KIAA0753: variants seen among roughly 807,000 people sequenced by gnomAD.
KIAA0753 encodes the protein KIAA0753.
In KIAA0753, 114 loss-of-function variants were observed where a neutral mutation model predicts 116.9. The observed-to-expected ratio is 0.98, with a 90% confidence interval of 0.84 to 1.14. The LOEUF is 1.14. Among genes scored for constraint, KIAA0753 ranks in the 50% most tolerant of loss-of-function variants. The pLI, the probability that KIAA0753 is intolerant of heterozygous loss-of-function variation, is 0.00. For missense variants in KIAA0753, 1,156 were observed against 1,172.4 expected (o/e 0.99, Z 0.20); for synonymous variants, 405 against 413.1 (o/e 0.98, Z 0.24).
chr17:6,596,087 C>T, intron 15 of KIAA0753, 71 bp downstream of exon 15: 2 of 1,429,812 alleles, frequency 1.4e-6, no homozygotes, highest in South Asian at 1.3e-5. Context: ...GCTGCAGAGG[C>T]ATGAGGAGAA....
chr17:6,619,459 C>T (rs1013139685), intron 7 of KIAA0753, among the ~76,000 whole-genome samples: 1 of 152,000 alleles, frequency 6.6e-6, no homozygotes, highest in African/African-American at 2.4e-5. Context: ...CAAGGGTTCA[C>T]TCTGTCACCC....
rs775992337 is a variant in KIAA0753 at position 6,628,290 on chromosome 17, T to G, written c.545A>C (p.Gln182Pro). The part of the protein sequence containing the change: ...KVYLYSSHPG[Q>P]SDLTVPNSPP... ...CGAATTTGGCACAGTAAGATCTGAC[T>G]GGCCTGGATGAGATGAGTAAAGGTA... Residue 182 changes from glutamine to proline, a missense_variant, in exon 3 of 19, where the codon CAG (glutamine) becomes CCG (proline). Physicochemically the swap from Gln to Pro is moderately conservative, Grantham distance 76. Coordinates refer to ENST00000361413, the MANE Select transcript of KIAA0753 (RefSeq NM_014804.3). 1.9e-6 allele frequency: 3 copies of G among 1,614,176 alleles called. No homozygotes were observed. In the Admixed American group the frequency reaches 5.0e-5, roughly 27 times the overall value.
intron 15 of KIAA0753, 22 bp from the exon 16 acceptor site, chr17:6,595,075 T>A: frequency 6.5e-7 from 1 of 1,532,832 alleles, no homozygotes; most frequent in Non-Finnish European, 8.9e-7. Context: ...AAGAAAAAAG[T>A]TTAATTTATG....
intron 8 of KIAA0753, among the ~76,000 whole-genome samples, chr17:6,611,229 A>C (rs1479145109): frequency 5.3e-5 from 8 of 152,188 alleles, no homozygotes. Flanking sequence ...CCATATTAGA[A>C]AGCACTCACC....
chr17:6,612,144 C>T lies in KIAA0753; in HGVS notation c.1320G>A (p.Lys440=), dbSNP rs768455971. The T allele has an allele frequency of 3.1e-6, 5 of 1,599,480 alleles. No homozygotes were observed. The African/African-American group carries it at 5.4e-5, about 17-fold the overall frequency. The change falls in exon 8 of 19, where the codon AAG becomes AAA. Residue 440 remains lysine, a synonymous_variant. Transcript: ENST00000361413. The stretch of plus-strand genomic sequence containing the variant: ...CCGGAAGCTCCGTATCGGGCTGATA[C>T]TTATCTACATGGAAATTTTTGAAAA... The part of the protein sequence containing the change: ...PSVAKQLLAD[K]YQPDTELPET...
At chr17:6,615,685 A>G (rs953666353) in intron 7 of KIAA0753, among the ~76,000 whole-genome samples, 2 of 150,950 alleles carry the variant, frequency 1.3e-5, no homozygotes, top group African/African-American at 4.9e-5. Context: ...CCAAGCTTAT[A>G]TACATCAAAG....
At chr17:6,615,160 C>A (rs563732691) in intron 7 of KIAA0753, among the ~76,000 whole-genome samples, 17 of 152,290 alleles carry the variant, frequency 1.1e-4, no homozygotes, top group South Asian at 6.2e-4. Context: ...GTCTCCAACT[C>A]CTGACCTCAG....
chr17:6,597,367 T>A (rs961466338), intron 14 of KIAA0753, among the ~76,000 whole-genome samples: 1 of 152,028 alleles, frequency 6.6e-6, no homozygotes, highest in African/African-American at 2.4e-5. Flanking sequence ...AGACAACCAA[T>A]AATGCTTGCA....
intron 6 of KIAA0753, among the ~76,000 whole-genome samples, chr17:6,622,486 C>T (rs543469517): frequency 1.2e-4 from 18 of 152,300 alleles, no homozygotes; most frequent in Non-Finnish European, 2.4e-4. Flanking sequence ...TATACTGTAC[C>T]TTTAAGTGTT....
Position 6,624,738 on chromosome 17 carries a change from C to G in KIAA0753, c.825+17G>C. 2 of 1,535,184 alleles carry G rather than the reference C, an allele frequency of 1.3e-6. No homozygotes were observed. Among genetic ancestry groups the G allele is most frequent in the Non-Finnish European group, 8.8e-7 (1 of 1,131,096 alleles). The stretch of plus-strand genomic sequence containing the variant: ...ACACAAGGCTGACTGCCCTACTTCT[C>G]CCTGAACTTTTCACACCTGCTGCTG... On this transcript the variant is annotated intron_variant, in intron 4 of 18. Transcript: ENST00000361413.
In KIAA0753 at chr17:6,612,056, G is replaced by A. The variant is rs1970583998; in HGVS notation, c.1408C>T (p.Pro470Ser). The A allele has an allele frequency of 6.2e-7, 1 of 1,614,002 alleles. No individual in the cohort carries two copies. The highest frequency in any genetic ancestry group is 1.7e-5 in the Admixed American group (1 of 60,006). ...CTTGCACTTTGGTCTAGAATAAATG[G>A]TCCTTCTTCCAGAACTATATCCGCA... Reference protein sequence around the residue: ...LDADIVLEEGPFILDQSASFK... With the variant: ...LDADIVLEEGSFILDQSASFK... Residue 470 changes from proline (P) to serine (S), a missense_variant, in exon 8 of 19, where the codon CCA (proline) becomes TCA (serine). By Grantham distance (74) the Pro-to-Ser change is moderately conservative. Coordinates refer to ENST00000361413, the MANE Select transcript of KIAA0753 (RefSeq NM_014804.3).
chr17:6,584,260 C>A (rs191253347), intron 18 of KIAA0753, among the ~76,000 whole-genome samples: 1 of 152,220 alleles, frequency 6.6e-6, no homozygotes, highest in Admixed American at 6.5e-5. Flanking sequence ...CTCCCCAGGG[C>A]TCTGTCTTCT....
In KIAA0753 at chr17:6,589,856, A is replaced by G. The variant is rs369091759; in HGVS notation, c.2709T>C (p.Cys903=). 296 of 1,614,114 alleles carry G rather than the reference A, an allele frequency of 1.8e-4. 1 individual carries two copies. In the African/African-American group the frequency reaches 2.8e-3, roughly 15 times the overall value. ...PGMQHSIGDY[C]SRFEQYLRII... ...TCCGAAGGTACTGCTCAAAACGACTACAGTAGTCACCGATGCTGTGCTGCA... is the reference window on the plus strand; with the variant it reads ...TCCGAAGGTACTGCTCAAAACGACTGCAGTAGTCACCGATGCTGTGCTGCA... The change falls in exon 18 of 19, where the codon TGT becomes TGC. Residue 903 remains cysteine, a synonymous_variant. Coordinates refer to ENST00000361413, the MANE Select transcript of KIAA0753 (RefSeq NM_014804.3).
At chr17:6,607,096 C>T in intron 11 of KIAA0753, 85 bp downstream of exon 11, 1 of 1,397,770 alleles carries the variant, frequency 7.2e-7, no homozygotes, top group Non-Finnish European at 1.0e-6. Context: ...TGTAGCTAGA[C>T]CTAAATAATC....
Position 6,599,242 on chromosome 17 carries a change from G to C in KIAA0753, c.2167C>G (p.Gln723Glu). 6.2e-7 allele frequency: 1 copy of C among 1,611,990 alleles called. No individual in the cohort carries two copies. The highest frequency in any genetic ancestry group is 2.2e-5 in the East Asian group (1 of 44,866). The change falls in exon 14 of 19, where the codon CAG (glutamine) becomes GAG (glutamate). Residue 723 changes from glutamine to glutamate, a missense_variant. Coordinates refer to ENST00000361413, the MANE Select transcript of KIAA0753 (RefSeq NM_014804.3). ...SVNTAKAQPAQEVAAVDFESN... is the reference protein window; with the variant it reads ...SVNTAKAQPAEEVAAVDFESN... ...CAATATCACACAACGCATACCTCCT[G>C]TGCAGGCTGGGCTTTCGCTGTGTTT... is the stretch of plus-strand genomic sequence containing the variant.
Position 6,578,953 on chromosome 17 carries a change from T to G in KIAA0753, c.*794A>C, listed in dbSNP as rs1209810090. The G allele has an allele frequency of 6.6e-6, 1 of 152,078 alleles. No homozygotes were observed. Among genetic ancestry groups the G allele is most frequent in the Non-Finnish European group, 1.5e-5 (1 of 67,996 alleles). The allele number at this position is 152,078 out of a possible 1,614,324, so 9.4% of individuals were successfully genotyped here. A position where few individuals can be genotyped will look rare whatever the true frequency, so the allele number is the denominator to read the frequency against. ...TTGTGGTATGAAATAGAGACACTTCTGACCTCATCGGAGACACAGCGAGGT... is the reference window on the plus strand; with the variant it reads ...TTGTGGTATGAAATAGAGACACTTCGGACCTCATCGGAGACACAGCGAGGT... On this transcript the variant is annotated 3_prime_UTR_variant, in exon 19 of 19. Coordinates refer to ENST00000361413, the MANE Select transcript of KIAA0753 (RefSeq NM_014804.3).
chr17:6,610,829 G>A (rs1474512880), intron 8 of KIAA0753, among the ~76,000 whole-genome samples: 2 of 152,054 alleles, frequency 1.3e-5, no homozygotes, highest in Non-Finnish European at 2.9e-5. Context: ...TGAATCTAGC[G>A]ATTTAAAAAA....
intron 2 of KIAA0753, among the ~76,000 whole-genome samples, chr17:6,632,296 A>C (rs184297052): frequency 1.3e-5 from 2 of 152,346 alleles, no homozygotes; most frequent in East Asian, 3.9e-4. Context: ...TCACTGGCTA[A>C]ATCAAAGACC....
intron 1 of KIAA0753, chr17:6,635,429 T>C (rs1003451866): frequency 5.5e-6 from 1 of 181,544 alleles, no homozygotes; most frequent in African/African-American, 2.4e-5. Context: ...TTGAGCCCTT[T>C]CCATTCCAAA....
Sources: gnomAD v4.1 joint callset for allele counts (sites outside exome capture counted in the v4.1 genomes callset) on GRCh38, gnomAD v4.1.1 for gene constraint, MANE v1.5 for transcripts, NCBI Gene and HGNC (gene_info 2026-07-23, HGNC 2026-07-21) for gene names.